The following WDFY4 variants were observed in gnomAD, a reference collection of about 807,000 sequenced individuals.
WDFY4 encodes WDFY family member 4.
A neutral mutation model predicts 351.9 loss-of-function variants in WDFY4; 169 were observed. The ratio of observed to expected loss-of-function variants is 0.48; its 90% CI spans 0.42 to 0.55. The LOEUF (loss-of-function observed/expected upper bound fraction) is 0.55, where lower values mean the gene tolerates loss of function less well. Ranked by LOEUF, WDFY4 falls within the 20% of genes least tolerant of loss-of-function variation. The pLI, the probability that WDFY4 is intolerant of heterozygous loss-of-function variation, is 0.00. For synonymous variants in WDFY4, 1,622 were observed against 1,574.6 expected (o/e 1.03, Z -0.71); for missense variants, 3,803 against 3,935.6 (o/e 0.97, Z 0.90).
intron 44 of WDFY4, among the ~76,000 whole-genome samples, chr10:48,895,373 C>T (rs925885508): frequency 2.0e-5 from 3 of 152,238 alleles, no homozygotes; most frequent in Non-Finnish European, 4.4e-5. Context: ...AAACAATTTC[C>T]TCACCCACTC....
intron 1 of WDFY4, among the ~76,000 whole-genome samples, chr10:48,709,019 C>T (rs1349621080): frequency 1.4e-5 from 2 of 143,934 alleles, no homozygotes; most frequent in Non-Finnish European, 3.0e-5. Flanking sequence ...CCCCCCCCCC[C>T]AAACAGGCTT....
Position 48,877,119 on chromosome 10 carries a change from G to A in WDFY4, c.7087G>A (p.Glu2363Lys), listed in dbSNP as rs754647092. 8.4e-5 allele frequency: 130 copies of A among 1,550,056 alleles called. No individual in the cohort carries two copies. Among genetic ancestry groups the A allele is most frequent in the Non-Finnish European group, 1.1e-4 (122 of 1,146,398 alleles). ...TQLTFFPALH[E>K]SLHSEDFLEL... ...GCTGACCTTCTTCCCAGCCTTACAC[G>A]AAAGTCTGCACTCAGAAGACTTCTT... The change falls in exon 43 of 62, where the codon GAA becomes AAA. Residue 2363 changes from glutamate to lysine, a missense_variant. This residue lies in a region of WDFY4 where 3,054 missense variants were observed against 3,148.6 expected (regional missense o/e 0.97). Transcript: ENST00000325239.
chr10:48,777,474 G>C lies in WDFY4; in HGVS notation c.3154G>C (p.Val1052Leu). ...TVMGTSTEYS[V>L]SGGIGTGATR... The stretch of plus-strand genomic sequence containing the variant: ...TATGGGAACCAGCACTGAGTACTCT[G>C]TCTCTGGAGGAATTGGGACAGGTAG... Residue 1052 changes from valine to leucine, a missense_variant, in exon 17 of 62, where the codon GTC becomes CTC. Physicochemically the swap from Val to Leu is conservative, Grantham distance 32. Coordinates refer to ENST00000325239, the MANE Select transcript of WDFY4 (RefSeq NM_001394531.1). 6.4e-7 allele frequency: 1 copy of C among 1,551,746 alleles called. No individual in the cohort carries two copies. Among genetic ancestry groups the C allele is most frequent in the Non-Finnish European group, 8.7e-7 (1 of 1,147,014 alleles).
intron 39 of WDFY4, among the ~76,000 whole-genome samples, chr10:48,837,646 TG>T (rs2068449674): frequency 6.6e-6 from 1 of 152,080 alleles, no homozygotes; most frequent in African/African-American, 2.4e-5. Context: ...AGACAGCACC[TG>T]GGGGTGGGAA....
At chr10:48,800,124 T>C (rs2067014043) in intron 24 of WDFY4, among the ~76,000 whole-genome samples, 1 of 152,194 alleles carries the variant, frequency 6.6e-6, no homozygotes, top group African/African-American at 2.4e-5. Context: ...GATCTCATGA[T>C]CCGCCCACCT....
intron 20 of WDFY4, among the ~76,000 whole-genome samples, chr10:48,787,886 TTC>T (rs1565198268): frequency 0.049 from 3,987 of 81,530 alleles, 304 homozygotes; most frequent in East Asian, 0.18. Flanking sequence ...TTCTTTCTTC[TTC>T]TTCTCCTTCT....
At chr10:48,759,021 T>C (rs1304845635) in intron 12 of WDFY4, among the ~76,000 whole-genome samples, 2 of 149,412 alleles carry the variant, frequency 1.3e-5, no homozygotes, top group Non-Finnish European at 3.0e-5. Context: ...TGTCATCTTA[T>C]AGAGAATGTT....
chr10:48,862,037 A>G (rs1250593542), intron 39 of WDFY4, among the ~76,000 whole-genome samples: 1 of 152,180 alleles, frequency 6.6e-6, no homozygotes, highest in Non-Finnish European at 1.5e-5. Flanking sequence ...TCTATTTATT[A>G]ACAGAGGCTC....
chr10:48,764,100 C>G (rs758878632), intron 13 of WDFY4, among the ~76,000 whole-genome samples: 1 of 152,188 alleles, frequency 6.6e-6, no homozygotes, highest in Non-Finnish European at 1.5e-5. Flanking sequence ...CATCTATACC[C>G]GCTTTACACT....
At chr10:48,820,163 A>G (rs926638104) in intron 32 of WDFY4, 71 bp from the exon 33 acceptor site, 20 of 1,500,992 alleles carry the variant, frequency 1.3e-5, no homozygotes, top group Non-Finnish European at 1.6e-5. Flanking sequence ...GCCCATGTAC[A>G]TGGCACAGGT....
rs374570736 is a variant in WDFY4 at position 48,786,790 on chromosome 10, C to G, written c.3728C>G (p.Ala1243Gly). 27 of 1,552,236 alleles carry G rather than the reference C, an allele frequency of 1.7e-5. No homozygotes were observed. In the African/African-American group the frequency reaches 1.8e-4, roughly 10 times the overall value. Reference protein sequence around the residue: ...RLGPTYLFEEAISMETLEVIN... With the variant: ...RLGPTYLFEEGISMETLEVIN... ...GGCCCCACATACCTCTTTGAAGAAG[C>G]CATTTCAATGGAAACTCTGGAAGTT... The change falls in exon 20 of 62, where the codon GCC (alanine) becomes GGC (glycine). Residue 1243 changes from alanine to glycine, a missense_variant. By Grantham distance (60) the Ala-to-Gly change is moderately conservative. This residue lies in a region of WDFY4 where 3,054 missense variants were observed against 3,148.6 expected (regional missense o/e 0.97). Coordinates refer to ENST00000325239, the MANE Select transcript of WDFY4 (RefSeq NM_001394531.1).
intron 31 of WDFY4, among the ~76,000 whole-genome samples, chr10:48,815,364 G>A (rs1013762342): frequency 2.3e-4 from 35 of 152,092 alleles, no homozygotes; most frequent in African/African-American, 8.2e-4. Flanking sequence ...CTATTTTCCT[G>A]TCAATTGCCT....
chr10:48,955,156 G>A (rs1044169282), intron 51 of WDFY4, among the ~76,000 whole-genome samples: 14 of 152,196 alleles, frequency 9.2e-5, no homozygotes, highest in Non-Finnish European at 1.6e-4. Context: ...ATTTCAATGA[G>A]TGACTCGTTA....
chr10:48,870,937 C>T lies in WDFY4; in HGVS notation c.6742-2554C>T, dbSNP rs776308611. On this transcript the variant is annotated intron_variant, in intron 40 of 61. Transcript: ENST00000325239. ...TAGGTGGAGACTTGGGGTGGATATG[C>T]GTTCTTTTTTTTTTTTGATGGAGGC... Among the ~76,000 whole-genome samples, 5 of 119,940 alleles carry T rather than the reference C, an allele frequency of 4.2e-5. No individual in the cohort carries two copies. In the South Asian group the frequency reaches 8.7e-4, roughly 21 times the overall value. 78.7% of individuals were successfully genotyped at this position (119,940 alleles called of 152,430 possible).
chr10:48,961,392 G>T (rs1841854467), intron 53 of WDFY4, among the ~76,000 whole-genome samples: 2 of 152,220 alleles, frequency 1.3e-5, no homozygotes, highest in Admixed American at 1.3e-4. Context: ...AAACAGGTGG[G>T]TGCTGATATA....
At chr10:48,808,936 T>C (rs1008029420) in intron 28 of WDFY4, among the ~76,000 whole-genome samples, 6 of 152,246 alleles carry the variant, frequency 3.9e-5, no homozygotes, top group Non-Finnish European at 5.9e-5. Context: ...AATTGTATTA[T>C]GTTGGTGAAA....
chr10:48,933,277 A>G (rs567570887), intron 47 of WDFY4, among the ~76,000 whole-genome samples: 6 of 152,318 alleles, frequency 3.9e-5, no homozygotes, highest in African/African-American at 1.4e-4. Flanking sequence ...GCCCAGCACA[A>G]AGTCTAAGTG....
intron 1 of WDFY4, among the ~76,000 whole-genome samples, chr10:48,693,174 G>A (rs969454039): frequency 1.3e-5 from 2 of 152,210 alleles, no homozygotes; most frequent in African/African-American, 4.8e-5. Flanking sequence ...ACAAGCTTGG[G>A]AAGTTTCCCA....
At chr10:48,974,328 C>A (rs1017239452) in intron 57 of WDFY4, among the ~76,000 whole-genome samples, 4 of 151,670 alleles carry the variant, frequency 2.6e-5, no homozygotes, top group South Asian at 2.1e-4. Context: ...CTTGGTGAAA[C>A]CCCATCTCCA....
Sources: allele counts gnomAD v4.1 joint callset (sites outside exome capture counted in the v4.1 genomes callset), GRCh38; gene constraint gnomAD v4.1.1; regional missense constraint gnomAD v4.1.1; transcripts MANE v1.5; gene names NCBI Gene and HGNC (gene_info 2026-07-23, HGNC 2026-07-21).